Variants in POLR3C observed in about 807,000 individuals in gnomAD.
POLR3C encodes the protein RNA polymerase III subunit C, also known as DNA-directed RNA polymerase III subunit RPC3.
In POLR3C, 44 loss-of-function variants were observed where a neutral mutation model predicts 65.9. The ratio of observed to expected loss-of-function variants is 0.67; its 90% CI spans 0.52 to 0.86. The LOEUF (loss-of-function observed/expected upper bound fraction) is 0.86, where lower values mean the gene tolerates loss of function less well. POLR3C is among the 40% of genes least tolerant of loss of function. POLR3C has a pLI of 0.00. For missense variants in POLR3C, 576 were observed against 653.2 expected (o/e 0.88, Z 1.29); for synonymous variants, 263 against 231.6 (o/e 1.14, Z -1.23).
At chr1:145,838,450 G>A (rs1313413806) in intron 11 of POLR3C, among the ~76,000 whole-genome samples, 1 of 152,214 alleles carries the variant, frequency 6.6e-6, no homozygotes. Flanking sequence ...GGGAGGCCAA[G>A]GTGGGCAAAT....
intron 7 of POLR3C, among the ~76,000 whole-genome samples, chr1:145,834,441 T>C (rs781923285): frequency 1.3e-5 from 2 of 148,602 alleles, no homozygotes; most frequent in Non-Finnish European, 3.0e-5. Flanking sequence ...CCCAGGCTGG[T>C]GGGTTGCCTG....
chr1:145,825,144 T>C (rs1553725433), intron 1 of POLR3C, among the ~76,000 whole-genome samples: 2 of 152,114 alleles, frequency 1.3e-5, no homozygotes, highest in Non-Finnish European at 2.9e-5. Context: ...AATCTCGCAC[T>C]GTCGCCCGGG....
At chr1:145,827,537 A>G (rs587626621) in intron 4 of POLR3C, among the ~76,000 whole-genome samples, 1 of 152,154 alleles carries the variant, frequency 6.6e-6, no homozygotes, top group South Asian at 2.1e-4. Flanking sequence ...AGGTGGGCGG[A>G]TCACGAGGTC....
chr1:145,824,421 C>T (rs1375129871), intron 1 of POLR3C, 52 bp downstream of exon 1: 4 of 587,418 alleles, frequency 6.8e-6, no homozygotes, highest in Non-Finnish European at 1.2e-5. Context: ...ACCAAGAGAC[C>T]ACGTCCGAAA....
chr1:145,827,472 C>T (rs587762736), intron 4 of POLR3C, among the ~76,000 whole-genome samples: 1 of 151,996 alleles, frequency 6.6e-6, no homozygotes, highest in South Asian at 2.1e-4. Context: ...TAAAAATTAG[C>T]CAGGTAGCCG....
Position 145,825,926 on chromosome 1 carries a change from A to G in POLR3C, c.147+3A>G. Reference sequence around the variant, plus strand: ...ACACAGGAACATCACTGGATCAGGTATGTCTAAATGACATTCATTTTCTCT... The same window carrying G: ...ACACAGGAACATCACTGGATCAGGTGTGTCTAAATGACATTCATTTTCTCT... On this transcript the variant is annotated splice_donor_region_variant and intron_variant, in intron 2 of 14. Coordinates refer to ENST00000334163, the MANE Select transcript of POLR3C (RefSeq NM_006468.8). 1 of 1,598,374 alleles carries G rather than the reference A, an allele frequency of 6.3e-7. No individual in the cohort carries two copies. The highest frequency in any genetic ancestry group is 1.7e-4 in the Middle Eastern group (1 of 6,020).
At position 145,826,584 on chromosome 1, in the gene POLR3C, A is replaced by C. The variant is rs989748631; in HGVS notation, c.278A>C (p.Tyr93Ser). 3 of 1,614,166 alleles carry C rather than the reference A, an allele frequency of 1.9e-6. No homozygotes were observed. The highest frequency in any genetic ancestry group is 2.5e-6 in the Non-Finnish European group (3 of 1,180,016). Residue 93 changes from tyrosine (Y) to serine (S), a missense_variant, in exon 3 of 15, where the codon TAT becomes TCT. Transcript: ENST00000334163. ...ATGCTTAGATATCCCCGGTACATCT[A>C]TACTACCAAAACTCTGTACAGTGAC... Reference protein sequence around the residue: ...LRMLRYPRYIYTTKTLYSDTG... With the variant: ...LRMLRYPRYISTTKTLYSDTG...
In POLR3C at chr1:145,833,348, C is replaced by G. The variant is rs372440814; in HGVS notation, c.767C>G (p.Ala256Gly). 1 of 1,611,024 alleles carries G rather than the reference C, an allele frequency of 6.2e-7. No individual in the cohort carries two copies. Among genetic ancestry groups the G allele is most frequent in the African/African-American group, 1.3e-5 (1 of 74,876 alleles). The change falls in exon 6 of 15, where the codon GCT (alanine) becomes GGT (glycine). Residue 256 changes from alanine (A) to glycine (G), a missense_variant. Coordinates refer to ENST00000334163, the MANE Select transcript of POLR3C (RefSeq NM_006468.8). Reference protein sequence around the residue: ...FRDQAIVSAVANRMDQTSSEI... With the variant: ...FRDQAIVSAVGNRMDQTSSEI... ...GACCAAGCCATTGTGAGCGCAGTTG[C>G]TAACAGGATGGACCAGGTAATACCT...
chr1:145,824,616 A>G, intron 1 of POLR3C: 1 of 865,072 alleles, frequency 1.2e-6, no homozygotes, highest in Non-Finnish European at 1.7e-6. Context: ...AATTGGAAGA[A>G]ATAAGTAAAC....
rs587736423 is a variant in POLR3C at position 145,830,597 on chromosome 1, G to A, written c.678+1760G>A. On this transcript the variant is annotated intron_variant, in intron 5 of 14. Transcript: ENST00000334163. ...GGTGGATCACCTGAGGTCAGAGTTC[G>A]AGATGAGCCTGGTCAACATGGTGAA... Among the ~76,000 whole-genome samples, 12 of 150,832 alleles carry A rather than the reference G, an allele frequency of 8.0e-5. 1 individual carries two copies. The South Asian group carries it at 2.1e-3, about 27-fold the overall frequency.
At chr1:145,842,306 C>T (rs1364639630) in intron 14 of POLR3C, 33 bp from the exon 15 acceptor site, 1 of 1,324,774 alleles carries the variant, frequency 7.5e-7, no homozygotes. Context: ...AATGAACATT[C>T]AGTCTAGGCA....
Position 145,838,132 on chromosome 1 carries a change from T to C in POLR3C, c.1147T>C (p.Phe383Leu). 6.2e-7 allele frequency: 1 copy of C among 1,613,312 alleles called. No homozygotes were observed. Among genetic ancestry groups the C allele is most frequent in the Non-Finnish European group, 8.5e-7 (1 of 1,179,192 alleles). Reference sequence around the variant, plus strand: ...CATAGAGCAGAAGCAAGTGGAAGACTTTGCAATGATTCCTGCAAAGGAGGC... The same window carrying C: ...CATAGAGCAGAAGCAAGTGGAAGACCTTGCAATGATTCCTGCAAAGGAGGC... ...KHIEQKQVEDFAMIPAKEAKD... is the reference protein window; with the variant it reads ...KHIEQKQVEDLAMIPAKEAKD... The change falls in exon 11 of 15, where the codon TTT becomes CTT. Residue 383 changes from phenylalanine (F) to leucine (L), a missense_variant. Transcript: ENST00000334163.
intron 7 of POLR3C, among the ~76,000 whole-genome samples, chr1:145,834,646 G>A (rs587772194): frequency 3.9e-5 from 6 of 152,198 alleles, no homozygotes; most frequent in Non-Finnish European, 7.4e-5. Context: ...CTGCACTCCA[G>A]CCTCACCACA....
At position 145,824,361 on chromosome 1, in the gene POLR3C, G is replaced by C; in HGVS notation, c.-29G>C. The C allele has an allele frequency of 2.7e-6, 1 of 367,540 alleles. No individual in the cohort carries two copies. Among genetic ancestry groups the C allele is most frequent in the Non-Finnish European group, 5.3e-6 (1 of 187,264 alleles). The allele number at this position is 367,540 out of a possible 1,614,324, so 22.8% of individuals were successfully genotyped here. On this transcript the variant is annotated 5_prime_UTR_variant, in exon 1 of 15. Transcript: ENST00000334163. The stretch of plus-strand genomic sequence containing the variant: ...GGAGTTGGAGCCCCCGGATTGCGCT[G>C]ACCCTGAGGTTAGTGGAAAATGCTG...
chr1:145,832,485 G>C (rs1312446809), intron 5 of POLR3C, among the ~76,000 whole-genome samples: 2 of 152,048 alleles, frequency 1.3e-5, no homozygotes, highest in Non-Finnish European at 2.9e-5. Context: ...GAGAGAGTAA[G>C]ATTTGGAATA....
Position 145,842,575 on chromosome 1 carries a change from T to C in POLR3C, c.*155T>C. ...AGCCCAGGATACACCTGAAAGAATT[T>C]GGCATATTTAGATCCATTGCTGTAG... On this transcript the variant is annotated 3_prime_UTR_variant, in exon 15 of 15. Transcript: ENST00000334163. 1 of 665,968 alleles carries C rather than the reference T, an allele frequency of 1.5e-6. No homozygotes were observed. The allele number at this position is 665,968 out of a possible 1,614,324, so 41.3% of individuals were successfully genotyped here. A position where few individuals can be genotyped will look rare whatever the true frequency, so the allele number is the denominator to read the frequency against.
At chr1:145,836,220 A>G (rs1054203214) in intron 7 of POLR3C, among the ~76,000 whole-genome samples, 1 of 151,330 alleles carries the variant, frequency 6.6e-6, no homozygotes, top group African/African-American at 2.4e-5. Context: ...TCCCAGGTTC[A>G]AGCAGTTCTC....
chr1:145,830,015 A>AT (rs1358429415), intron 5 of POLR3C, among the ~76,000 whole-genome samples: 1 of 152,212 alleles, frequency 6.6e-6, no homozygotes, highest in Non-Finnish European at 1.5e-5. Flanking sequence ...CCATTGATGG[A>AT]TTTTAAGCAG....
chr1:145,827,443 C>T (rs1479873645), intron 4 of POLR3C, among the ~76,000 whole-genome samples: 2 of 151,488 alleles, frequency 1.3e-5, no homozygotes, highest in Non-Finnish European at 2.9e-5. Context: ...ATGTTGAAAC[C>T]CCATCTCTAC....
Sources: allele counts gnomAD v4.1 joint callset (sites outside exome capture counted in the v4.1 genomes callset), GRCh38; gene constraint gnomAD v4.1.1; transcripts MANE v1.5; gene names NCBI Gene and HGNC (gene_info 2026-07-23, HGNC 2026-07-21).